Variants in HIP1 observed in about 807,000 individuals in gnomAD.
The protein encoded by HIP1 is huntingtin-interacting protein 1.
A neutral mutation model predicts 147.6 loss-of-function variants in HIP1; 65 were observed. That is an observed-to-expected ratio of 0.44 (90% CI 0.36 to 0.54). HIP1 has a LOEUF of 0.54. Ranked by LOEUF, HIP1 falls within the 20% of genes least tolerant of loss-of-function variation. HIP1 has a pLI of 0.00. For missense variants in HIP1, 1,061 were observed against 1,299.6 expected (o/e 0.82, Z 2.82); for synonymous variants, 479 against 504.0 (o/e 0.95, Z 0.67).
chr7:75,672,676 T>C (rs1799760859), intron 1 of HIP1, among the ~76,000 whole-genome samples: 1 of 152,220 alleles, frequency 6.6e-6, no homozygotes, highest in Admixed American at 6.5e-5. Context: ...ATTTGTAATA[T>C]TGTTGAAGAA....
intron 27 of HIP1, 132 bp downstream of exon 27, chr7:75,544,563 G>C: frequency 2.9e-6 from 2 of 689,240 alleles, no homozygotes; most frequent in African/African-American, 1.8e-5. Flanking sequence ...ACCTAGCCAA[G>C]TGCCATCTAA....
At chr7:75,737,877 G>A (rs1239292314) in intron 1 of HIP1, among the ~76,000 whole-genome samples, 1 of 152,172 alleles carries the variant, frequency 6.6e-6, no homozygotes, top group Non-Finnish European at 1.5e-5. Flanking sequence ...CATTGGCACT[G>A]GGATTAAAAG....
At chr7:75,589,628 A>C (rs1336505580) in intron 4 of HIP1, among the ~76,000 whole-genome samples, 5 of 122,138 alleles carry the variant, frequency 4.1e-5, no homozygotes, top group Non-Finnish European at 6.4e-5. Flanking sequence ...GGGTGCAGTG[A>C]GCTGAGATTA....
intron 24 of HIP1, 42 bp from the exon 25 acceptor site, chr7:75,547,074 C>A: frequency 6.8e-5 from 98 of 1,444,614 alleles, no homozygotes; most frequent in Non-Finnish European, 8.7e-5. Flanking sequence ...GATCAAGATC[C>A]AAGATCAATG....
chr7:75,551,403 T>C (rs1554492121), intron 22 of HIP1, among the ~76,000 whole-genome samples: 5 of 151,746 alleles, frequency 3.3e-5, no homozygotes, highest in Non-Finnish European at 7.4e-5. Flanking sequence ...TTAATAGAGA[T>C]GGAGTTTCAC....
At chr7:75,672,195 A>G (rs1195643299) in intron 1 of HIP1, among the ~76,000 whole-genome samples, 3 of 151,998 alleles carry the variant, frequency 2.0e-5, no homozygotes, top group Admixed American at 6.6e-5. Context: ...TCATTTGCCT[A>G]TTTTTGAACT....
intron 1 of HIP1, among the ~76,000 whole-genome samples, chr7:75,737,786 G>A (rs1324416952): frequency 6.6e-6 from 1 of 152,058 alleles, no homozygotes; most frequent in Admixed American, 6.6e-5. Context: ...CAGGGGACCA[G>A]CCTCTGGAGA....
intron 4 of HIP1, among the ~76,000 whole-genome samples, chr7:75,588,638 G>A (rs868957344): frequency 2.0e-5 from 3 of 151,992 alleles, no homozygotes; most frequent in Admixed American, 6.6e-5. Context: ...GCTGGGTTTG[G>A]TGGTGCACAC....
At chr7:75,550,914 G>A (rs1554491999) in intron 22 of HIP1, among the ~76,000 whole-genome samples, 1 of 152,088 alleles carries the variant, frequency 6.6e-6, no homozygotes. Flanking sequence ...TGACATGTGT[G>A]CATATATGAT....
chr7:75,562,963 T>C lies in HIP1; in HGVS notation c.992A>G (p.Asp331Gly), dbSNP rs782605856. The change falls in exon 11 of 31, where the codon GAC becomes GGC. Residue 331 changes from aspartate (D) to glycine (G), a missense_variant. Asp to Gly is a moderately conservative substitution (Grantham distance 94). Around this residue, in one of 3 missense-constraint regions of HIP1, gnomAD observed 810 missense variants for 946.8 expected, o/e 0.86. Transcript: ENST00000336926. ...CTGAGAGGCATCCATGTCCATGAGG[T>C]CATCCTTCTCTAGGACTGGCTCGCT... ...PDSEPVLEKD[D>G]LMDMDASQQN... The C allele has an allele frequency of 6.2e-7, 1 of 1,614,198 alleles. No homozygotes were observed. The highest frequency in any genetic ancestry group is 1.7e-5 in the Admixed American group (1 of 60,020).
At chr7:75,663,991 T>C (rs1435948687) in intron 1 of HIP1, among the ~76,000 whole-genome samples, 2 of 33,934 alleles carry the variant, frequency 5.9e-5, no homozygotes, top group South Asian at 8.1e-4. Context: ...TGTGTATATA[T>C]ATACACATAT....
At chr7:75,587,628 G>A (rs149470709) in intron 4 of HIP1, among the ~76,000 whole-genome samples, 3,076 of 152,190 alleles carry the variant, frequency 0.02, 42 homozygotes, top group Non-Finnish European at 0.03. Flanking sequence ...ACAAACATAA[G>A]GACTGCCTTT....
At chr7:75,692,968 C>G (rs978151037) in intron 1 of HIP1, among the ~76,000 whole-genome samples, 9 of 151,538 alleles carry the variant, frequency 5.9e-5, no homozygotes, top group Non-Finnish European at 1.2e-4. Flanking sequence ...AGTTCGAGAC[C>G]AGCCTGGCCA....
chr7:75,639,329 G>A (rs1554510113), intron 1 of HIP1: 1 of 313,884 alleles, frequency 3.2e-6, no homozygotes, highest in Non-Finnish European at 4.6e-6. Flanking sequence ...GGGGAGGCGC[G>A]GCCCCGCCGG....
chr7:75,599,792 C>T (rs1796903337), intron 1 of HIP1, among the ~76,000 whole-genome samples: 1 of 151,888 alleles, frequency 6.6e-6, no homozygotes, highest in Non-Finnish European at 1.5e-5. Context: ...TTAATGACAT[C>T]AAGGGACATT....
intron 1 of HIP1, among the ~76,000 whole-genome samples, chr7:75,623,093 G>C (rs1018758667): frequency 4.6e-5 from 7 of 150,998 alleles, no homozygotes; most frequent in African/African-American, 1.7e-4. Flanking sequence ...AGCTACTCGG[G>C]AGGCTGAGGC....
chr7:75,687,559 C>T (rs1173042212), intron 1 of HIP1, among the ~76,000 whole-genome samples: 2 of 152,074 alleles, frequency 1.3e-5, no homozygotes, highest in Non-Finnish European at 2.9e-5. Context: ...GGCTTGGTGG[C>T]GGGCACCTGT....
intron 1 of HIP1, among the ~76,000 whole-genome samples, chr7:75,604,201 G>A (rs587753778): frequency 2.1e-4 from 32 of 152,262 alleles, no homozygotes; most frequent in African/African-American, 7.5e-4. Context: ...CCATACTTCC[G>A]GAGCCCATCA....
intron 1 of HIP1, among the ~76,000 whole-genome samples, chr7:75,719,611 C>T (rs1156374877): frequency 6.6e-6 from 1 of 152,154 alleles, no homozygotes; most frequent in African/African-American, 2.4e-5. Context: ...TTAATCCTTT[C>T]CATGACCCTA....
Sources: gnomAD v4.1 joint callset for allele counts (sites outside exome capture counted in the v4.1 genomes callset) on GRCh38, gnomAD v4.1.1 for gene constraint, gnomAD v4.1.1 regional missense constraint, MANE v1.5 for transcripts, NCBI Gene and HGNC (gene_info 2026-07-23, HGNC 2026-07-21) for gene names.